The following NRG3 variants were observed in gnomAD, a reference collection of about 807,000 sequenced individuals.
NRG3 encodes the protein neuregulin 3, also known as pro-neuregulin-3, membrane-bound isoform.
Under a neutral mutation model 66.9 loss-of-function variants are expected in NRG3, and 31 were observed. The observed-to-expected ratio is 0.46, with a 90% CI of 0.35 to 0.63. NRG3 has a LOEUF of 0.63. NRG3 is among the 20% of genes least tolerant of loss of function. The pLI is 0.00. For missense variants in NRG3, 910 were observed against 878.9 expected, an observed-to-expected ratio of 1.04 and a Z score of -0.45; for synonymous variants, 393 against 359.4, an observed-to-expected ratio of 1.09 and a Z score of -1.06.
chr10:82,901,571 A>G (rs1257877464), intron 4 of NRG3, among the ~76,000 whole-genome samples: 1 of 152,172 alleles, frequency 6.6e-6, no homozygotes, highest in East Asian at 1.9e-4. Context: ...ATCCAGCTCT[A>G]GGAGTGATCC....
At chr10:82,537,523 A>G (rs2043243674) in intron 2 of NRG3, among the ~76,000 whole-genome samples, 1 of 152,158 alleles carries the variant, frequency 6.6e-6, no homozygotes, top group Non-Finnish European at 1.5e-5. Flanking sequence ...GATAAGAGTC[A>G]GTTAGATTTA....
intron 1 of NRG3, among the ~76,000 whole-genome samples, chr10:82,052,219 G>T (rs757780281): frequency 1.3e-5 from 2 of 152,032 alleles, no homozygotes; most frequent in African/African-American, 2.4e-5. Context: ...TGATCTACCT[G>T]TCTCACCAAA....
intron 2 of NRG3, among the ~76,000 whole-genome samples, chr10:82,623,009 A>C (rs1010379108): frequency 6.6e-6 from 1 of 152,032 alleles, no homozygotes; most frequent in Non-Finnish European, 1.5e-5. Context: ...TTGTAAGTTA[A>C]GGAGCATTTG....
At chr10:82,422,709 T>G (rs2089167376) in intron 2 of NRG3, among the ~76,000 whole-genome samples, 2 of 151,964 alleles carry the variant, frequency 1.3e-5, no homozygotes, top group East Asian at 1.9e-4. Context: ...ATTGTGGAAA[T>G]AGTATACATA....
rs1181758013 is a variant in NRG3 at position 82,978,944 on chromosome 10, C to T, written c.1413-6C>T. On this transcript the variant is annotated splice_polypyrimidine_tract_variant and splice_region_variant and intron_variant, in intron 7 of 8. Coordinates refer to ENST00000372141, the MANE Select transcript of NRG3 (RefSeq NM_001010848.4). The stretch of plus-strand genomic sequence containing the variant: ...TTGTTTGTCTGTTTTCATTCCACCC[C>T]AGCAGGAGTCTATCCTCTTGCTGCA... 3 of 1,613,038 alleles carry T rather than the reference C, an allele frequency of 1.9e-6. No homozygotes were observed. The South Asian group carries it at 3.3e-5, about 18-fold the overall frequency.
At chr10:82,582,891 C>T (rs1174036252) in intron 2 of NRG3, among the ~76,000 whole-genome samples, 1 of 152,060 alleles carries the variant, frequency 6.6e-6, no homozygotes, top group African/African-American at 2.4e-5. Flanking sequence ...AGTTTATTTT[C>T]AGGGTGGGAA....
intron 3 of NRG3, among the ~76,000 whole-genome samples, chr10:82,747,280 C>T (rs2058684454): frequency 6.6e-6 from 1 of 151,752 alleles, no homozygotes. Context: ...AATTATTTTA[C>T]CAGTCATCTA....
At chr10:82,795,684 G>T (rs2060772208) in intron 3 of NRG3, among the ~76,000 whole-genome samples, 1 of 152,104 alleles carries the variant, frequency 6.6e-6, no homozygotes, top group Non-Finnish European at 1.5e-5. Context: ...TGGAAATCTA[G>T]TAAGCATCAT....
At position 82,708,962 on chromosome 10, in the gene NRG3, A is replaced by G. The variant is rs755780716; in HGVS notation, c.954-29615A>G. Among the ~76,000 whole-genome samples the G allele has an allele frequency of 2.0e-4, 31 of 152,060 alleles. 1 individual carries two copies. Among genetic ancestry groups the G allele is most frequent in the Admixed American group, 7.9e-4 (12 of 15,278 alleles). Reference sequence around the variant, plus strand: ...TGGCAATTGCCTCTCGTAACCCCTGAGCAGCCACTTTATAACTGGGTTTTA... The same window carrying G: ...TGGCAATTGCCTCTCGTAACCCCTGGGCAGCCACTTTATAACTGGGTTTTA... On this transcript the variant is annotated intron_variant, in intron 2 of 8. Transcript: ENST00000372141.
intron 2 of NRG3, among the ~76,000 whole-genome samples, chr10:82,390,351 C>T (rs1589955287): frequency 6.6e-6 from 1 of 151,442 alleles, no homozygotes; most frequent in East Asian, 2.0e-4. Context: ...TGTGGGGGGG[C>T]TGGGGTGGAT....
At chr10:82,581,289 C>G (rs2046342486) in intron 2 of NRG3, among the ~76,000 whole-genome samples, 1 of 151,868 alleles carries the variant, frequency 6.6e-6, no homozygotes, top group Non-Finnish European at 1.5e-5. Context: ...TGTTTCTTTA[C>G]TTATTGTTCA....
At chr10:82,729,565 C>T (rs1026894242) in intron 2 of NRG3, among the ~76,000 whole-genome samples, 2 of 152,158 alleles carry the variant, frequency 1.3e-5, no homozygotes, top group South Asian at 2.1e-4. Flanking sequence ...TGTTCATGCC[C>T]ATGTTAGGTA....
intron 1 of NRG3, among the ~76,000 whole-genome samples, chr10:82,018,633 C>T (rs899312555): frequency 2.0e-5 from 3 of 152,122 alleles, no homozygotes; most frequent in Admixed American, 2.0e-4. Context: ...TGTAGTTCTC[C>T]TTGAAGAGGT....
At chr10:81,986,336 T>C (rs893451356) in intron 1 of NRG3, among the ~76,000 whole-genome samples, 4 of 152,042 alleles carry the variant, frequency 2.6e-5, no homozygotes, top group South Asian at 2.1e-4. Context: ...AATTTAAAAA[T>C]GTAAAGGTAT....
intron 1 of NRG3, among the ~76,000 whole-genome samples, chr10:82,000,223 A>G (rs1179132421): frequency 6.6e-6 from 1 of 152,244 alleles, no homozygotes; most frequent in Non-Finnish European, 1.5e-5. Context: ...AGTAGCATAG[A>G]AAAAGATTGT....
At chr10:82,911,092 A>G (rs890886408) in intron 4 of NRG3, among the ~76,000 whole-genome samples, 5 of 152,214 alleles carry the variant, frequency 3.3e-5, no homozygotes, top group African/African-American at 1.2e-4. Context: ...TCCATTTAGC[A>G]TGGGTCAGAG....
intron 4 of NRG3, among the ~76,000 whole-genome samples, chr10:82,901,901 C>T (rs368650437): frequency 9.2e-5 from 14 of 152,184 alleles, no homozygotes; most frequent in South Asian, 4.2e-4. Context: ...TTTTATTTAG[C>T]GGCACTGTAA....
chr10:82,948,197 G>A (rs1488240163), intron 4 of NRG3, among the ~76,000 whole-genome samples: 2 of 151,782 alleles, frequency 1.3e-5, no homozygotes, highest in Non-Finnish European at 2.9e-5. Flanking sequence ...AATTATGTTG[G>A]CATCTTTGTC....
At chr10:82,183,538 G>A (rs2073581446) in intron 1 of NRG3, among the ~76,000 whole-genome samples, 1 of 151,976 alleles carries the variant, frequency 6.6e-6, no homozygotes, top group Admixed American at 6.6e-5. Flanking sequence ...ACCACATACT[G>A]AGAACTGCTG....
Sources: allele counts gnomAD v4.1 joint callset (sites outside exome capture counted in the v4.1 genomes callset), GRCh38; gene constraint gnomAD v4.1.1; transcripts MANE v1.5; gene names NCBI Gene and HGNC (gene_info 2026-07-23, HGNC 2026-07-21).